ZNF326: variants seen among roughly 807,000 people sequenced by gnomAD.
ZNF326 encodes the protein zinc finger protein 326.
Under a neutral mutation model 63.1 loss-of-function variants are expected in ZNF326, and 30 were observed. The ratio of observed to expected loss-of-function variants is 0.48; its 90% CI spans 0.36 to 0.64. The LOEUF (loss-of-function observed/expected upper bound fraction) is 0.64, where lower values mean the gene tolerates loss of function less well. Among genes scored for constraint, ZNF326 ranks in the 30% least tolerant of loss-of-function variants. ZNF326 has a pLI of 0.00. For missense variants in ZNF326, 609 were observed against 720.3 expected, an observed-to-expected ratio of 0.85 and a Z score of 1.77; for synonymous variants, 194 against 228.2, an observed-to-expected ratio of 0.85 and a Z score of 1.35.
intron 9 of ZNF326, 92 bp from the exon 10 acceptor site, chr1:90,020,700 G>A: frequency 8.0e-7 from 1 of 1,253,306 alleles, no homozygotes; most frequent in Non-Finnish European, 1.1e-6. Context: ...GGAAGAAGGG[G>A]TATAAATAAT....
At position 90,028,916 on chromosome 1, in the gene ZNF326, A is replaced by G. The variant is rs12026929; in HGVS notation, c.*1215A>G. 0.57 allele frequency: 87,076 copies of G among 151,512 alleles called. 25,450 individuals are homozygous for G. Among genetic ancestry groups the G allele is most frequent in the East Asian group, 0.89 (4,600 of 5,150 alleles). The allele number at this position is 151,512 out of a possible 1,614,324, so 9.4% of individuals were successfully genotyped here. A position where few individuals can be genotyped will look rare whatever the true frequency, so the allele number is the denominator to read the frequency against. ...CCTCCTGGGCTCAAGCGATCCTCCA[A>G]CTTAGCCTCCCAAGTAGCTGGGACT... On this transcript the variant is annotated 3_prime_UTR_variant, in exon 12 of 12. Coordinates refer to ENST00000340281, the MANE Select transcript of ZNF326 (RefSeq NM_182976.4).
At chr1:90,017,766 G>A (rs566923786) in intron 8 of ZNF326, among the ~76,000 whole-genome samples, 10 of 152,158 alleles carry the variant, frequency 6.6e-5, no homozygotes, top group Non-Finnish European at 1.3e-4. Context: ...ACATTCATTC[G>A]TTATTTCAGT....
chr1:90,002,561 C>T (rs983448165), intron 2 of ZNF326, among the ~76,000 whole-genome samples: 1 of 152,114 alleles, frequency 6.6e-6, no homozygotes, highest in African/African-American at 2.4e-5. Flanking sequence ...ATAAATTTTA[C>T]TATATACTTA....
chr1:90,013,139 T>G lies in ZNF326; in HGVS notation c.828T>G (p.Pro276=). The part of the protein sequence containing the change: ...SLSKSPTKTD[P]KNEEEEKRRI... ...GTAATATCCTAGCAAAAACTGATCCTAAAAATGAAGAGGAAGAAAAGCGGC... is the reference window on the plus strand; with the variant it reads ...GTAATATCCTAGCAAAAACTGATCCGAAAAATGAAGAGGAAGAAAAGCGGC... The change falls in exon 7 of 12, where the codon CCT becomes CCG. Residue 276 remains proline, a synonymous_variant. Transcript: ENST00000340281. 1.9e-6 allele frequency: 3 copies of G among 1,610,310 alleles called. No homozygotes were observed. Among genetic ancestry groups the G allele is most frequent in the Non-Finnish European group, 2.5e-6 (3 of 1,178,844 alleles).
intron 7 of ZNF326, among the ~76,000 whole-genome samples, chr1:90,013,486 A>G (rs1243993454): frequency 1.3e-5 from 2 of 152,246 alleles, no homozygotes; most frequent in African/African-American, 2.4e-5. Context: ...GTATTCTTAA[A>G]AAGAAACACT....
At chr1:90,006,609 T>C (rs1397016841) in intron 4 of ZNF326, among the ~76,000 whole-genome samples, 1 of 152,214 alleles carries the variant, frequency 6.6e-6, no homozygotes, top group Non-Finnish European at 1.5e-5. Context: ...GAATATATTA[T>C]AAGATGTATT....
In ZNF326 at chr1:90,007,027, C is replaced by T. The variant is rs1248336459; in HGVS notation, c.210-318C>T. Among the ~76,000 whole-genome samples, 1 of 152,112 alleles carries T rather than the reference C, an allele frequency of 6.6e-6. No homozygotes were observed. The highest frequency in any genetic ancestry group is 2.4e-5 in the African/African-American group (1 of 41,416). On this transcript the variant is annotated intron_variant, in intron 4 of 11. Transcript: ENST00000340281. This position sits in a 1 kb window ranked among gnomAD's most constrained non-coding sequence, Gnocchi z 4.9. The stretch of plus-strand genomic sequence containing the variant: ...GTGAACTTTAGCAAATGACCTTTTC[C>T]AAGACTAGGGCTGGGCTTAAATAAT...
chr1:90,009,681 T>C (rs1471088516), intron 5 of ZNF326, among the ~76,000 whole-genome samples: 1 of 152,158 alleles, frequency 6.6e-6, no homozygotes. Flanking sequence ...TTGTGTATCT[T>C]AGTTTTAGTA....
chr1:90,025,516 G>T (rs1419532207), intron 11 of ZNF326, among the ~76,000 whole-genome samples: 2 of 152,152 alleles, frequency 1.3e-5, no homozygotes, highest in Non-Finnish European at 1.5e-5. Flanking sequence ...GATTCAGGCA[G>T]TCTGAGATTG....
intron 7 of ZNF326, among the ~76,000 whole-genome samples, chr1:90,013,931 G>A (rs1169795972): frequency 6.6e-6 from 1 of 152,126 alleles, no homozygotes; most frequent in Non-Finnish European, 1.5e-5. Flanking sequence ...AGCCAGGTGT[G>A]GTGGGTGCCT....
chr1:90,014,055 ACT>A (rs1233047286), intron 7 of ZNF326, among the ~76,000 whole-genome samples: 3 of 150,886 alleles, frequency 2.0e-5, no homozygotes, highest in Admixed American at 6.6e-5. Context: ...ACAGAGCGAG[ACT>A]CTGTCTCAAA....
At position 90,027,581 on chromosome 1, in the gene ZNF326, A is replaced by C; in HGVS notation, c.1629A>C (p.Glu543Asp). 1.2e-6 allele frequency: 2 copies of C among 1,608,910 alleles called. No individual in the cohort carries two copies. The highest frequency in any genetic ancestry group is 1.7e-6 in the Non-Finnish European group (2 of 1,177,152). Residue 543 changes from glutamate (E) to aspartate (D), a missense_variant, in exon 12 of 12, where the codon GAA becomes GAC. By Grantham distance (45) the Glu-to-Asp change is conservative. Coordinates refer to ENST00000340281, the MANE Select transcript of ZNF326 (RefSeq NM_182976.4). ...GNIQGVGEGG[E>D]VGVVGEVEGV... The stretch of plus-strand genomic sequence containing the variant: ...TACAGGGAGTAGGGGAAGGAGGGGA[A>C]GTAGGGGTAGTGGGAGAAGTAGAGG...
rs1650351341 is a variant in ZNF326, at chr1:90,033,299, T to C, written c.*5598T>C. On this transcript the variant is annotated 3_prime_UTR_variant, in exon 12 of 12. Coordinates refer to ENST00000340281, the MANE Select transcript of ZNF326 (RefSeq NM_182976.4). The stretch of plus-strand genomic sequence containing the variant: ...TGACTCCTAGGCTCTCATTTGCAAG[T>C]AGACAAATGAGAAACAGCAAATATT... 6.6e-6 allele frequency: 1 copy of C among 151,960 alleles called. No homozygotes were observed. The highest frequency in any genetic ancestry group is 6.6e-5 in the Admixed American group (1 of 15,236). The allele number at this position is 151,960 out of a possible 1,614,324, so 9.4% of individuals were successfully genotyped here. A position where few individuals can be genotyped will look rare whatever the true frequency, so the allele number is the denominator to read the frequency against.
At chr1:90,019,780 T>C (rs1358985799) in intron 9 of ZNF326, among the ~76,000 whole-genome samples, 1 of 152,134 alleles carries the variant, frequency 6.6e-6, no homozygotes, top group Non-Finnish European at 1.5e-5. Context: ...GACATCTCTT[T>C]ACAGCAGTCA....
intron 10 of ZNF326, 84 bp from the exon 11 acceptor site, chr1:90,022,166 T>G: frequency 3.1e-6 from 3 of 967,160 alleles, no homozygotes; most frequent in Non-Finnish European, 4.8e-6. Context: ...TCTAAGGGTT[T>G]GAGCATGAAA....
rs1271667132 is a variant in ZNF326, at chr1:90,030,111, C to A, written c.*2410C>A. 2 of 152,156 alleles carry A rather than the reference C, an allele frequency of 1.3e-5. No homozygotes were observed. The highest frequency in any genetic ancestry group is 3.8e-4 in the East Asian group (2 of 5,202). The allele number at this position is 152,156 out of a possible 1,614,324, so 9.4% of individuals were successfully genotyped here. On this transcript the variant is annotated 3_prime_UTR_variant, in exon 12 of 12. Coordinates refer to ENST00000340281, the MANE Select transcript of ZNF326 (RefSeq NM_182976.4). ...TTCAGCTCCATGCCTAGGGACTATCCTGTATTATTCGCTTTTTATCACTTT... is the reference window on the plus strand; with the variant it reads ...TTCAGCTCCATGCCTAGGGACTATCATGTATTATTCGCTTTTTATCACTTT...
At chr1:89,998,309 A>T (rs1648503440) in intron 2 of ZNF326, among the ~76,000 whole-genome samples, 155 bp downstream of exon 2, 1 of 152,074 alleles carries the variant, frequency 6.6e-6, no homozygotes, top group Admixed American at 6.5e-5. Context: ...GAATTGGGGA[A>T]TGTGCTATCA....
At chr1:89,998,345 A>C (rs1478306300) in intron 2 of ZNF326, among the ~76,000 whole-genome samples, 191 bp downstream of exon 2, 1 of 151,866 alleles carries the variant, frequency 6.6e-6, no homozygotes, top group Non-Finnish European at 1.5e-5. Flanking sequence ...TATTCACATT[A>C]GTTTGATTTT....
At chr1:90,010,337 A>T (rs1649177734) in intron 6 of ZNF326, 51 bp downstream of exon 6, 1 of 1,566,564 alleles carries the variant, frequency 6.4e-7, no homozygotes, top group East Asian at 2.3e-5. Context: ...TTATTTTTTA[A>T]AATTCCATAC....
Sources: allele counts gnomAD v4.1 joint callset (sites outside exome capture counted in the v4.1 genomes callset), GRCh38; gene constraint gnomAD v4.1.1; non-coding constraint Gnocchi (gnomAD v3.1); transcripts MANE v1.5; gene names NCBI Gene and HGNC (gene_info 2026-07-23, HGNC 2026-07-21).